Variants in NR2C2 observed in about 807,000 individuals in gnomAD.
The protein encoded by NR2C2 is nuclear receptor subfamily 2 group C member 2, also known as Nuclear hormone receptor TR4.
Under a neutral mutation model 62.9 loss-of-function variants are expected in NR2C2, and 6 were observed. The ratio of observed to expected loss-of-function variants is 0.10; its 90% confidence interval spans 0.05 to 0.19. The LOEUF (loss-of-function observed/expected upper bound fraction) is 0.19, where lower values mean the gene tolerates loss of function less well. Ranked by LOEUF, NR2C2 falls within the 10% of genes least tolerant of loss-of-function variation. The pLI, the probability that NR2C2 is intolerant of heterozygous loss-of-function variation, is 1.00. For synonymous variants in NR2C2, 272 were observed against 273.8 expected (o/e 0.99, Z 0.07); for missense variants, 479 against 762.7 (o/e 0.63, Z 4.38).
At chr3:15,007,539 T>C (rs1199956860) in intron 2 of NR2C2, among the ~76,000 whole-genome samples, 2 of 152,252 alleles carry the variant, frequency 1.3e-5, no homozygotes, top group East Asian at 1.9e-4. Context: ...ACTGGTTTGT[T>C]TCCTTGTGTA....
At chr3:15,039,020 C>T (rs1374205924) in intron 12 of NR2C2, 102 bp from the exon 13 acceptor site, 2 of 791,870 alleles carry the variant, frequency 2.5e-6, no homozygotes. Context: ...ATTTGTTGTA[C>T]TTAAGAAGTT....
chr3:15,041,942 A>G (rs2042282100), intron 13 of NR2C2, among the ~76,000 whole-genome samples: 1 of 152,244 alleles, frequency 6.6e-6, no homozygotes, highest in African/African-American at 2.4e-5. Flanking sequence ...TATGTATTGT[A>G]ATTGGGATCA....
At position 15,020,837 on chromosome 3, in the gene NR2C2, G is replaced by A. The variant is rs1342922719; in HGVS notation, c.461G>A (p.Arg154Gln). 5.0e-6 allele frequency: 8 copies of A among 1,614,140 alleles called. No individual in the cohort carries two copies. The highest frequency in any genetic ancestry group is 3.3e-5 in the South Asian group (3 of 91,082). ...AGGAAAAATTTGACCTACAGCTGCC[G>A]GAGCAACCAAGACTGCATCATCAAT... ...SVRKNLTYSCRSNQDCIINKH... is the reference protein window; with the variant it reads ...SVRKNLTYSCQSNQDCIINKH... Residue 154 changes from arginine to glutamine, a missense_variant, in exon 5 of 14, where the codon CGG becomes CAG. Physicochemically the swap from Arg to Gln is conservative, Grantham distance 43 (BLOSUM62 1). Transcript: ENST00000425241.
In NR2C2 at chr3:14,975,819, C is replaced by T. The variant is rs534941952; in HGVS notation, c.-40+27913C>T. Among the ~76,000 whole-genome samples the T allele has an allele frequency of 1.2e-4, 19 of 152,236 alleles. No individual in the cohort carries two copies. In the South Asian group the frequency reaches 3.7e-3, roughly 30 times the overall value. On this transcript the variant is annotated intron_variant, in intron 1 of 13. Coordinates refer to ENST00000425241, the MANE Select transcript of NR2C2 (RefSeq NM_001291694.2). ...TCTTTAAATGCTTGGTAGAATTTAG[C>T]AGTGAAGCCATGTGGTCCAGGACTT...
intron 2 of NR2C2, among the ~76,000 whole-genome samples, chr3:15,010,994 T>C (rs947673639): frequency 2.6e-5 from 4 of 152,192 alleles, no homozygotes; most frequent in Non-Finnish European, 5.9e-5. Context: ...CTCAATCACA[T>C]AACTGTCATT....
At chr3:14,953,627 G>A (rs578223448) in intron 1 of NR2C2, among the ~76,000 whole-genome samples, 2 of 152,306 alleles carry the variant, frequency 1.3e-5, no homozygotes, top group East Asian at 3.9e-4. Context: ...CAGGCGTGGT[G>A]GCTCACCCCT....
At chr3:14,963,712 C>T (rs554260997) in intron 1 of NR2C2, among the ~76,000 whole-genome samples, 5 of 152,188 alleles carry the variant, frequency 3.3e-5, no homozygotes, top group Non-Finnish European at 5.9e-5. Context: ...CCTCGTGATC[C>T]GCCTGCCTCT....
intron 1 of NR2C2, among the ~76,000 whole-genome samples, chr3:14,977,702 T>C (rs1375394361): frequency 6.6e-6 from 1 of 152,138 alleles, no homozygotes; most frequent in African/African-American, 2.4e-5. Flanking sequence ...AAATGGCTCA[T>C]GCATATAATC....
chr3:14,986,236 AAGC>A (rs914377927), intron 1 of NR2C2, among the ~76,000 whole-genome samples: 5 of 152,188 alleles, frequency 3.3e-5, no homozygotes, highest in Admixed American at 1.3e-4. Flanking sequence ...AATAAAAGGA[AAGC>A]AGCCTATTAT....
At chr3:14,984,413 T>C (rs867121425) in intron 1 of NR2C2, among the ~76,000 whole-genome samples, 1 of 152,218 alleles carries the variant, frequency 6.6e-6, no homozygotes, top group East Asian at 1.9e-4. Flanking sequence ...TATCTCAGCC[T>C]TTCTTCTTTT....
chr3:15,003,021 C>A (rs1434952306), intron 1 of NR2C2, among the ~76,000 whole-genome samples: 1 of 151,306 alleles, frequency 6.6e-6, no homozygotes, highest in Non-Finnish European at 1.5e-5. Context: ...TCTCCGCTTA[C>A]TGCAGCCTCC....
At chr3:15,028,862 T>A in intron 8 of NR2C2, 143 bp downstream of exon 8, 1 of 913,062 alleles carries the variant, frequency 1.1e-6, no homozygotes, top group Non-Finnish European at 1.6e-6. Flanking sequence ...TCATCTGTCT[T>A]CTTTGAAATT....
At chr3:14,987,123 C>T (rs1288413568) in intron 1 of NR2C2, among the ~76,000 whole-genome samples, 2 of 152,114 alleles carry the variant, frequency 1.3e-5, no homozygotes, top group Non-Finnish European at 2.9e-5. Flanking sequence ...CACTCTGCCA[C>T]CCAGGCTGGA....
At chr3:15,010,045 G>A (rs7619610) in intron 2 of NR2C2, among the ~76,000 whole-genome samples, 9,435 of 152,204 alleles carry the variant, frequency 0.062, 1,005 homozygotes, top group African/African-American at 0.21. Context: ...TCCAAGTAAG[G>A]TACATTAATA....
In NR2C2 at chr3:15,043,138, A is replaced by C; in HGVS notation, c.*130A>C. 1 of 787,272 alleles carries C rather than the reference A, an allele frequency of 1.3e-6. No homozygotes were observed. Among genetic ancestry groups the C allele is most frequent in the East Asian group, 3.0e-5 (1 of 33,260 alleles). 48.8% of individuals were successfully genotyped at this position (787,272 alleles called of 1,614,324 possible). On this transcript the variant is annotated 3_prime_UTR_variant, in exon 14 of 14. Transcript: ENST00000425241. ...GCCATTTCCTGTCTGGTTTCTCCTT[A>C]TCTGTTAATCCCAGACAATAGCAAT...
chr3:14,991,328 C>T (rs2040664003), intron 1 of NR2C2, among the ~76,000 whole-genome samples: 2 of 152,204 alleles, frequency 1.3e-5, no homozygotes, highest in Admixed American at 6.5e-5. Flanking sequence ...AGTCAGCAGC[C>T]TCCTGTGGAT....
chr3:15,017,151 C>T (rs973487513), intron 4 of NR2C2, among the ~76,000 whole-genome samples: 1 of 152,118 alleles, frequency 6.6e-6, no homozygotes, highest in African/African-American at 2.4e-5. Flanking sequence ...TGGACCAAGC[C>T]TCTTAGGAAG....
intron 1 of NR2C2, among the ~76,000 whole-genome samples, chr3:14,963,540 C>T (rs903444577): frequency 2.8e-4 from 43 of 152,220 alleles, no homozygotes; most frequent in African/African-American, 1.0e-3. Flanking sequence ...GCGATCTCGG[C>T]CCACTGCAAG....
intron 10 of NR2C2, among the ~76,000 whole-genome samples, chr3:15,033,697 G>A (rs1399233015): frequency 8.2e-6 from 1 of 122,514 alleles, no homozygotes; most frequent in African/African-American, 3.1e-5. Context: ...TAATAGTACT[G>A]ATAGGTACCT....
Sources: gnomAD v4.1 joint callset for allele counts (sites outside exome capture counted in the v4.1 genomes callset) on GRCh38, gnomAD v4.1.1 for gene constraint, MANE v1.5 for transcripts, NCBI Gene and HGNC (gene_info 2026-07-23, HGNC 2026-07-21) for gene names.